The following ZDHHC24 variants were observed in gnomAD, a reference collection of about 807,000 sequenced individuals.
ZDHHC24 encodes probable palmitoyltransferase ZDHHC24.
A neutral mutation model predicts 23.2 loss-of-function variants in ZDHHC24; 17 were observed. That is an observed-to-expected ratio of 0.73 (90% CI 0.50 to 1.10). The LOEUF (loss-of-function observed/expected upper bound fraction) is 1.10. Among genes scored for constraint, ZDHHC24 ranks in the 50% least tolerant of loss-of-function variants. The pLI is 0.00. For synonymous variants in ZDHHC24, 186 were observed against 194.5 expected, an observed-to-expected ratio of 0.96 and a Z score of 0.36; for missense variants, 366 against 393.0, an observed-to-expected ratio of 0.93 and a Z score of 0.58.
rs1165665560 is a variant in ZDHHC24 at position 66,545,910 on chromosome 11, C to G, written c.94G>C (p.Glu32Gln). The G allele has an allele frequency of 3.9e-6, 6 of 1,530,828 alleles. No homozygotes were observed. The East Asian group carries it at 7.6e-5, about 19-fold the overall frequency. The allele number at this position is 1,530,828 out of a possible 1,614,324, so 94.8% of individuals were successfully genotyped here. A position where few individuals can be genotyped will look rare whatever the true frequency, so the allele number is the denominator to read the frequency against. The change falls in exon 1 of 3, where the codon GAG becomes CAG. Residue 32 changes from glutamate (E) to glutamine (Q), a missense_variant. By Grantham distance (29) the Glu-to-Gln change is conservative. Coordinates refer to ENST00000310442, the MANE Select transcript of ZDHHC24 (RefSeq NM_207340.3). This position sits in a 1 kb window ranked among gnomAD's most constrained non-coding sequence, Gnocchi z 4.5. ...CCGAGCACCAGCACGTAAGCCAGCT[C>G]CAGGCCCACGGCCGCGGCCCACAGC... ...TALWAAAVGLELAYVLVLGPG... is the reference protein window; with the variant it reads ...TALWAAAVGLQLAYVLVLGPG...
chr11:66,523,512 T>G (rs145094101), intron 4 of ZDHHC24: 1 of 1,614,072 alleles, frequency 6.2e-7, no homozygotes, highest in Non-Finnish European at 8.5e-7. Flanking sequence ...GTGGGACTTA[T>G]CCGGGTACAC....
At chr11:66,526,747 G>A in intron 4 of ZDHHC24, 2 of 1,614,228 alleles carry the variant, frequency 1.2e-6, no homozygotes, top group South Asian at 2.2e-5. Flanking sequence ...GAAACTCAAT[G>A]TGCCCCGAAA....
intron 2 of ZDHHC24, chr11:66,530,060 C>G: frequency 6.8e-7 from 1 of 1,471,692 alleles, no homozygotes; most frequent in Non-Finnish European, 9.2e-7. Context: ...CAAGCCAACT[C>G]AGCCCGTGCT....
intron 4 of ZDHHC24, chr11:66,524,013 C>G: frequency 7.5e-7 from 1 of 1,339,822 alleles, no homozygotes. Context: ...GGCACAGTGG[C>G]TCATGCCTGT....
intron 4 of ZDHHC24, among the ~76,000 whole-genome samples, chr11:66,522,271 G>T (rs1424773662): frequency 6.6e-6 from 1 of 151,200 alleles, no homozygotes; most frequent in Non-Finnish European, 1.5e-5. Flanking sequence ...TCCCATATTT[G>T]TTACTTTCTA....
chr11:66,527,334 A>G (rs1472335386), intron 3 of ZDHHC24, among the ~76,000 whole-genome samples: 3 of 151,866 alleles, frequency 2.0e-5, no homozygotes, highest in Admixed American at 6.6e-5. Context: ...TTCAGTACCT[A>G]TGATTACACC....
Position 66,543,854 on chromosome 11 carries a change from G to A in ZDHHC24, c.409C>T (p.Arg137Trp), listed in dbSNP as rs138835172. The A allele has an allele frequency of 6.2e-6, 10 of 1,613,756 alleles. No individual in the cohort carries two copies. The highest frequency in any genetic ancestry group is 3.3e-5 in the South Asian group (3 of 91,068). ...LGRCVGFGNY[R>W]PFLCLLLHAA... ...TGAAGCAGCAGGCACAGGAAGGGCC[G>A]GTAGTTGCCGAAGCCCACGCAGCGG... Residue 137 changes from arginine (R) to tryptophan (W), a missense_variant, in exon 2 of 3, where the codon CGG becomes TGG. Transcript: ENST00000310442.
chr11:66,531,170 G>A, downstream of ZDHHC24: 1 of 1,230,428 alleles, frequency 8.1e-7, no homozygotes, highest in Non-Finnish European at 1.2e-6. Flanking sequence ...TCCCACCACA[G>A]ACCAGGCCAA....
In ZDHHC24 at chr11:66,545,362, C is replaced by G. The variant is rs1429302416; in HGVS notation, c.281+361G>C. On this transcript the variant is annotated intron_variant, in intron 1 of 2. Coordinates refer to ENST00000310442, the MANE Select transcript of ZDHHC24 (RefSeq NM_207340.3). The surrounding 1 kb of genome is among the most constrained non-coding windows in gnomAD (Gnocchi z 4.5). ...CCTAACCACCTATTTAATATTGAAA[C>G]TTGCAACCCCTTTACCCTGCTCTAC... 1.3e-5 allele frequency among the ~76,000 whole-genome samples: 2 copies of G among 152,166 alleles called. No individual in the cohort carries two copies. The highest frequency in any genetic ancestry group is 2.4e-5 in the African/African-American group (1 of 41,428).
intron 4 of ZDHHC24, chr11:66,524,261 C>T (rs970433552): frequency 8.9e-6 from 3 of 335,436 alleles, no homozygotes; most frequent in African/African-American, 6.5e-5. Flanking sequence ...GCCTGGACAA[C>T]AGAGCGAGAC....
At chr11:66,522,361 A>G (rs528714602) in intron 4 of ZDHHC24, among the ~76,000 whole-genome samples, 2 of 149,568 alleles carry the variant, frequency 1.3e-5, no homozygotes, top group East Asian at 2.0e-4. Context: ...ATTTTGTGAG[A>G]CAGAGTCACA....
chr11:66,544,132 C>G (rs1196292789), intron 1 of ZDHHC24, 151 bp from the exon 2 acceptor site: 1 of 1,040,374 alleles, frequency 9.6e-7, no homozygotes, highest in Non-Finnish European at 1.4e-6. Flanking sequence ...GCAGGCTAAA[C>G]AAGATGTCCC....
At chr11:66,543,047 G>A (rs1466250448) in intron 2 of ZDHHC24, among the ~76,000 whole-genome samples, 1 of 152,160 alleles carries the variant, frequency 6.6e-6, no homozygotes, top group South Asian at 2.1e-4. Flanking sequence ...CCATGGAAAG[G>A]TCAGGAGGAA....
rs1181760871 is a variant in ZDHHC24 at position 66,526,771 on chromosome 11, G to A, written c.*21+165C>T. The stretch of plus-strand genomic sequence containing the variant: ...TGTGCCCCGAAAGACCCGGCTTTAC[G>A]TGGATCAGACACTGCGAGAGCGGGA... On this transcript the variant is annotated intron_variant, in intron 4 of 4. Transcript: ENST00000526986. 7 of 1,614,244 alleles carry A rather than the reference G, an allele frequency of 4.3e-6. No individual in the cohort carries two copies. The highest frequency in any genetic ancestry group is 2.7e-5 in the African/African-American group (2 of 75,060).
At chr11:66,542,325 C>T (rs1443119427) in intron 2 of ZDHHC24, among the ~76,000 whole-genome samples, 1 of 152,018 alleles carries the variant, frequency 6.6e-6, no homozygotes, top group African/African-American at 2.4e-5. Flanking sequence ...CAGAGGCAGA[C>T]ACAGAGAAGC....
chr11:66,530,056 A>T, intron 2 of ZDHHC24: 1 of 1,494,626 alleles, frequency 6.7e-7, no homozygotes, highest in Non-Finnish European at 9.0e-7. Flanking sequence ...ATTCCAAGCC[A>T]ACTCAGCCCG....
chr11:66,532,949 G>C (rs1321287871), downstream of ZDHHC24: 1 of 152,254 alleles, frequency 6.6e-6, no homozygotes, highest in Non-Finnish European at 1.5e-5. Context: ...GCCCAAATCA[G>C]TCATGTGGGT....
At chr11:66,527,785 G>A (rs1856584503) in intron 3 of ZDHHC24, 1 of 152,144 alleles carries the variant, frequency 6.6e-6, no homozygotes, top group South Asian at 2.1e-4. Flanking sequence ...AGCTTTTGGA[G>A]CACACAGAGG....
chr11:66,523,480 C>T, intron 4 of ZDHHC24: 2 of 1,614,148 alleles, frequency 1.2e-6, no homozygotes, highest in Non-Finnish European at 1.7e-6. Context: ...CCAAGTACTG[C>T]ATCGAGCTGA....
Sources: allele counts gnomAD v4.1 joint callset (sites outside exome capture counted in the v4.1 genomes callset), GRCh38; gene constraint gnomAD v4.1.1; non-coding constraint Gnocchi (gnomAD v3.1); transcripts MANE v1.5; gene names NCBI Gene and HGNC (gene_info 2026-07-23, HGNC 2026-07-21).